Variants in NR5A2 observed in about 807,000 individuals in gnomAD.
The protein encoded by NR5A2 is CYP7A promoter-binding factor.
NR5A2 carries 26 observed loss-of-function variants against 62.7 expected under a neutral mutation model. The observed-to-expected ratio is 0.41, with a 90% confidence interval of 0.30 to 0.58. The LOEUF is 0.58. Ranked by LOEUF, NR5A2 falls within the 20% of genes least tolerant of loss-of-function variation. The probability of loss-of-function intolerance (pLI) is 0.22; values close to 1 mark genes in which losing one functional copy is unlikely to be tolerated. For missense variants in NR5A2, 541 were observed against 669.1 expected, an observed-to-expected ratio of 0.81 and a Z score of 2.11; for synonymous variants, 246 against 241.7, an observed-to-expected ratio of 1.02 and a Z score of -0.16.
chr1:200,105,092 T>C (rs1665582905), intron 5 of NR5A2, among the ~76,000 whole-genome samples: 1 of 151,766 alleles, frequency 6.6e-6, no homozygotes, highest in East Asian at 1.9e-4. Context: ...CTGAGTAGCT[T>C]GAACCATATG....
At chr1:200,070,585 C>T (rs983812529) in intron 5 of NR5A2, among the ~76,000 whole-genome samples, 1 of 150,720 alleles carries the variant, frequency 6.6e-6, no homozygotes, top group Non-Finnish European at 1.5e-5. Context: ...GAGGCTGAGG[C>T]AGGATGATCG....
Position 200,168,411 on chromosome 1 carries a change from C to T in NR5A2, c.1379-5552C>T, listed in dbSNP as rs1392333595. On this transcript the variant is annotated intron_variant, in intron 7 of 7. Transcript: ENST00000367362. ...TTTATTTTTAGGGGGAGACAAGGGT[C>T]TTGCTGTGGTGCCTAGGCTGGTCTC... Among the ~76,000 whole-genome samples, 115 of 152,152 alleles carry T rather than the reference C, an allele frequency of 7.6e-4. 2 individuals carry two copies. Among genetic ancestry groups the T allele is most frequent in the Non-Finnish European group, 5.9e-5 (4 of 67,998 alleles).
At chr1:200,098,688 G>C (rs1665216304) in intron 5 of NR5A2, among the ~76,000 whole-genome samples, 1 of 152,136 alleles carries the variant, frequency 6.6e-6, no homozygotes, top group South Asian at 2.1e-4. Context: ...TTTCAGCATT[G>C]ATTCAGCAAA....
intron 7 of NR5A2, among the ~76,000 whole-genome samples, chr1:200,161,983 AAACCAGT>A (rs1653663949): frequency 6.6e-6 from 1 of 152,198 alleles, no homozygotes; most frequent in African/African-American, 2.4e-5. Flanking sequence ...GGCAAGGCAT[AAACCAGT>A]AACCGGAGAA....
chr1:200,080,095 T>C (rs1047068416), intron 5 of NR5A2, among the ~76,000 whole-genome samples: 2 of 152,212 alleles, frequency 1.3e-5, no homozygotes, highest in Non-Finnish European at 2.9e-5. Flanking sequence ...TGAGGTGATT[T>C]GGAGAAAGAA....
chr1:200,139,461 C>T (rs1174226683), intron 7 of NR5A2, among the ~76,000 whole-genome samples: 1 of 152,166 alleles, frequency 6.6e-6, no homozygotes, highest in Non-Finnish European at 1.5e-5. Flanking sequence ...AGTCAAATGA[C>T]TTGATATGAA....
At chr1:200,085,575 T>TTGTA (rs958101398) in intron 5 of NR5A2, among the ~76,000 whole-genome samples, 9 of 151,762 alleles carry the variant, frequency 5.9e-5, no homozygotes, top group African/African-American at 2.2e-4. Flanking sequence ...AATTAAATAT[T>TTGTA]TGTAGAGTGC....
At chr1:200,031,814 A>G (rs1661562413) in intron 1 of NR5A2, among the ~76,000 whole-genome samples, 1 of 152,150 alleles carries the variant, frequency 6.6e-6, no homozygotes, top group African/African-American at 2.4e-5. Context: ...TCCTGACCTC[A>G]GGTGATCCAC....
intron 5 of NR5A2, among the ~76,000 whole-genome samples, chr1:200,072,879 A>G (rs951738422): frequency 6.6e-6 from 1 of 152,176 alleles, no homozygotes; most frequent in African/African-American, 2.4e-5. Flanking sequence ...TGTTTCTAGC[A>G]AGCCCGTGAA....
chr1:200,079,376 A>T (rs1664185802), intron 5 of NR5A2, among the ~76,000 whole-genome samples: 1 of 152,204 alleles, frequency 6.6e-6, no homozygotes, highest in Admixed American at 6.5e-5. Flanking sequence ...ATTATTTCAC[A>T]GGCCCGCTGC....
intron 5 of NR5A2, among the ~76,000 whole-genome samples, chr1:200,064,912 TATTTA>T (rs1267422607): frequency 1.3e-5 from 2 of 152,154 alleles, no homozygotes; most frequent in African/African-American, 2.4e-5. Context: ...CCTTGTTTCA[TATTTA>T]ATTTAAAGAA....
At chr1:200,038,659 C>G (rs1438103153) in intron 1 of NR5A2, 2 of 1,313,040 alleles carry the variant, frequency 1.5e-6, no homozygotes, top group African/African-American at 3.0e-5. Flanking sequence ...CAAGGGCACA[C>G]GCCCACCCGC....
chr1:200,110,652 C>A (rs6694652), intron 5 of NR5A2, among the ~76,000 whole-genome samples: 6,992 of 152,240 alleles, frequency 0.046, 528 homozygotes, highest in African/African-American at 0.16. Context: ...CCAGCACAAT[C>A]GGACTTTCAG....
At chr1:200,146,554 A>ATATT (rs1667709322) in intron 7 of NR5A2, among the ~76,000 whole-genome samples, 1 of 152,258 alleles carries the variant, frequency 6.6e-6, no homozygotes, top group Non-Finnish European at 1.5e-5. Flanking sequence ...AACTGAAGAC[A>ATATT]TATTTAAGAT....
intron 2 of NR5A2, among the ~76,000 whole-genome samples, chr1:200,041,670 C>T (rs537079614): frequency 6.6e-6 from 1 of 152,206 alleles, no homozygotes; most frequent in South Asian, 2.1e-4. Context: ...CGCTTCTTTG[C>T]CCCGATGAGT....
At chr1:200,125,859 T>C (rs1468917090) in intron 7 of NR5A2, among the ~76,000 whole-genome samples, 1 of 152,176 alleles carries the variant, frequency 6.6e-6, no homozygotes, top group African/African-American at 2.4e-5. Context: ...TTATTCTTCT[T>C]AATTTTAGAG....
intron 5 of NR5A2, among the ~76,000 whole-genome samples, chr1:200,069,677 G>T (rs189495269): frequency 3.9e-5 from 6 of 152,250 alleles, no homozygotes; most frequent in Admixed American, 3.9e-4. Flanking sequence ...AAAGGTTTTG[G>T]AGGTCCTCAT....
At chr1:200,093,860 T>TTTTAAAAA (rs1162553788) in intron 5 of NR5A2, among the ~76,000 whole-genome samples, 11 of 152,312 alleles carry the variant, frequency 7.2e-5, no homozygotes, top group African/African-American at 2.6e-4. Context: ...ATTTCTAAAT[T>TTTTAAAAA]TTTAAAAATT....
chr1:200,119,367 T>C (rs540498161), intron 6 of NR5A2, among the ~76,000 whole-genome samples: 1 of 152,324 alleles, frequency 6.6e-6, no homozygotes, highest in African/African-American at 2.4e-5. Flanking sequence ...CAGTCTGCTC[T>C]GGGTGAGTGG....
Sources: allele counts gnomAD v4.1 joint callset (sites outside exome capture counted in the v4.1 genomes callset), GRCh38; gene constraint gnomAD v4.1.1; transcripts MANE v1.5; gene names NCBI Gene and HGNC (gene_info 2026-07-23, HGNC 2026-07-21).